Variants in COL5A1 observed in about 807,000 individuals in gnomAD.
COL5A1 encodes the protein collagen type V alpha 1 chain.
COL5A1 carries 16 observed loss-of-function variants against 263.7 expected under a neutral mutation model. The observed-to-expected ratio is 0.06, with a 90% CI of 0.04 to 0.09. COL5A1 has a LOEUF of 0.09. Ranked by LOEUF, COL5A1 falls within the 10% of genes least tolerant of loss-of-function variation. COL5A1 has a pLI of 1.00. For missense variants in COL5A1, 2,036 were observed against 2,540.5 expected, an observed-to-expected ratio of 0.80 and a Z score of 4.27; for synonymous variants, 1,012 against 1,004.5, an observed-to-expected ratio of 1.01 and a Z score of -0.14.
chr9:134,805,795 G>A (rs540927091), intron 41 of COL5A1, among the ~76,000 whole-genome samples: 22 of 152,128 alleles, frequency 1.4e-4, no homozygotes, highest in African/African-American at 5.3e-4. Flanking sequence ...CTGCAGGCAT[G>A]TGGGCCCTGG....
chr9:134,780,070 A>G (rs1283959311), intron 27 of COL5A1, 32 bp from the exon 28 acceptor site: 1 of 1,612,906 alleles, frequency 6.2e-7, no homozygotes, highest in South Asian at 1.1e-5. Context: ...ACTTGTAACC[A>G]TTCACTCCTT....
At chr9:134,784,138 T>C (rs1235367535) in intron 29 of COL5A1, among the ~76,000 whole-genome samples, 1 of 152,150 alleles carries the variant, frequency 6.6e-6, no homozygotes, top group Non-Finnish European at 1.5e-5. Flanking sequence ...GCTCTGTAAA[T>C]GTGTGCCGGG....
chr9:134,777,691 A>C (rs1837103363), intron 27 of COL5A1, among the ~76,000 whole-genome samples: 1 of 152,166 alleles, frequency 6.6e-6, no homozygotes, highest in Non-Finnish European at 1.5e-5. Flanking sequence ...GCCTGCTCTC[A>C]GCAGGGCATG....
In COL5A1 at chr9:134,842,372, C is replaced by T. The variant is rs1048504485; in HGVS notation, c.*69C>T. On this transcript the variant is annotated 3_prime_UTR_variant, in exon 66 of 66. Coordinates refer to ENST00000371817, the MANE Select transcript of COL5A1 (RefSeq NM_000093.5). This position sits in a 1 kb window ranked among gnomAD's most constrained non-coding sequence, Gnocchi z 5.8. The stretch of plus-strand genomic sequence containing the variant: ...GCATGCCATTCGTTCGTGAGTGTCC[C>T]GTGCACGTCCTGACCCTGGACAGTG... 5.1e-5 allele frequency: 81 copies of T among 1,576,546 alleles called. No individual in the cohort carries two copies. Among genetic ancestry groups the T allele is most frequent in the African/African-American group, 1.7e-4 (13 of 74,294 alleles).
chr9:134,805,347 A>G (rs1266844085), intron 41 of COL5A1, 133 bp downstream of exon 41: 3 of 1,082,852 alleles, frequency 2.8e-6, no homozygotes, highest in South Asian at 2.5e-5. Flanking sequence ...GGAGGGGGGA[A>G]AATGGCCTTC....
At chr9:134,689,710 A>G (rs1196442702) in intron 1 of COL5A1, among the ~76,000 whole-genome samples, 2 of 152,108 alleles carry the variant, frequency 1.3e-5, no homozygotes, top group Non-Finnish European at 2.9e-5. Context: ...CCCTGAGCTG[A>G]CCGTCTGGGA....
intron 34 of COL5A1, 49 bp downstream of exon 34, chr9:134,795,364 A>G (rs1444430408): frequency 2.6e-6 from 4 of 1,563,230 alleles, no homozygotes; most frequent in Non-Finnish European, 2.6e-6. Context: ...CCAAGTTGCA[A>G]GGCTACAGAG....
At chr9:134,708,051 GCTGGA>G (rs1564401448) in intron 4 of COL5A1, among the ~76,000 whole-genome samples, 1 of 152,228 alleles carries the variant, frequency 6.6e-6, no homozygotes, top group Non-Finnish European at 1.5e-5. Context: ...CTCAGCCTCT[GCTGGA>G]TGAGCTGCGT....
intron 41 of COL5A1, among the ~76,000 whole-genome samples, chr9:134,805,432 A>G (rs1314531553): frequency 1.3e-5 from 2 of 152,000 alleles, no homozygotes; most frequent in Non-Finnish European, 2.9e-5. Context: ...CGAGGAAAGG[A>G]GAGTGCTGGG....
rs1208988491 is a variant in COL5A1 at position 134,818,159 on chromosome 9, C to T, written c.4230+328C>T. 1.2e-4 allele frequency among the ~76,000 whole-genome samples: 19 copies of T among 152,224 alleles called. No homozygotes were observed. Among genetic ancestry groups the T allele is most frequent in the Non-Finnish European group, 8.8e-5 (6 of 68,030 alleles). On this transcript the variant is annotated intron_variant, in intron 54 of 65. Coordinates refer to ENST00000371817, the MANE Select transcript of COL5A1 (RefSeq NM_000093.5). The surrounding 1 kb of genome is among the most constrained non-coding windows in gnomAD (Gnocchi z 6.0). ...ATGCCTGGTCTTTGAGTCGGCCAGA[C>T]CTGAGCCGCCTACCTCTGAAGTGGA...
At position 134,820,375 on chromosome 9, in the gene COL5A1, TGAC is replaced by T. The variant is rs1564482636; in HGVS notation, c.4554+154_4554+156del. The T allele has an allele frequency of 4.2e-6, 3 of 709,604 alleles. No homozygotes were observed. The East Asian group carries it at 8.1e-5, about 19-fold the overall frequency. The allele number at this position is 709,604 out of a possible 1,614,324, so 44.0% of individuals were successfully genotyped here. On this transcript the variant is annotated intron_variant, in intron 58 of 65. Transcript: ENST00000371817. ...CATCCTGCTTGGCAGATGGGAACAC[TGAC>T]GGGCTGGGCTTGCCCAGGTGCACAG... is the stretch of plus-strand genomic sequence containing the variant.
chr9:134,768,290 C>G (rs1006058479), intron 24 of COL5A1, 120 bp from the exon 25 acceptor site: 5 of 955,906 alleles, frequency 5.2e-6, no homozygotes, highest in Admixed American at 5.1e-5. Flanking sequence ...GTGCCTCTGA[C>G]CACACTTCTC....
At chr9:134,780,045 T>C (rs1405458627) in intron 27 of COL5A1, 57 bp from the exon 28 acceptor site, 1 of 1,601,550 alleles carries the variant, frequency 6.2e-7, no homozygotes, top group Non-Finnish European at 8.6e-7. Flanking sequence ...CTGCGACAGC[T>C]CTAGAAAGGC....
chr9:134,698,077 C>CT (rs1833544316), intron 2 of COL5A1, among the ~76,000 whole-genome samples: 3 of 152,194 alleles, frequency 2.0e-5, no homozygotes, highest in African/African-American at 4.8e-5. Context: ...GAACGAGACT[C>CT]TATCTCAAAA....
intron 12 of COL5A1, 86 bp from the exon 13 acceptor site, chr9:134,750,704 G>A (rs1416528835): frequency 6.3e-7 from 1 of 1,593,880 alleles, no homozygotes; most frequent in Non-Finnish European, 8.6e-7. Flanking sequence ...TGTCACTGGA[G>A]AGGCCTGTGG....
At chr9:134,725,427 A>G (rs1452184706) in intron 4 of COL5A1, among the ~76,000 whole-genome samples, 1 of 152,184 alleles carries the variant, frequency 6.6e-6, no homozygotes, top group African/African-American at 2.4e-5. Flanking sequence ...TATAATCATT[A>G]CTATATTGGT....
chr9:134,673,756 G>A (rs1377113914), intron 1 of COL5A1, among the ~76,000 whole-genome samples: 3 of 152,174 alleles, frequency 2.0e-5, no homozygotes, highest in Non-Finnish European at 4.4e-5. Context: ...CTTTTCAAAA[G>A]ACACTGTTGG....
chr9:134,817,926 A>G (rs963926893), intron 54 of COL5A1, 95 bp downstream of exon 54: 39 of 1,318,402 alleles, frequency 3.0e-5, no homozygotes, highest in Non-Finnish European at 4.0e-5. Flanking sequence ...AGAGATGTCC[A>G]TGGAGGCTGA....
At chr9:134,750,932 C>T (rs1285584567) in intron 13 of COL5A1, 50 bp downstream of exon 13, 1 of 1,478,176 alleles carries the variant, frequency 6.8e-7, no homozygotes, top group Non-Finnish European at 9.4e-7. Context: ...AGCCCAGCCC[C>T]AGGGGCCAAC....
Sources: gnomAD v4.1 joint callset for allele counts (sites outside exome capture counted in the v4.1 genomes callset) on GRCh38, gnomAD v4.1.1 for gene constraint, Gnocchi (gnomAD v3.1) non-coding constraint, MANE v1.5 for transcripts, NCBI Gene and HGNC (gene_info 2026-07-23, HGNC 2026-07-21) for gene names.